The following RGS5 variants were observed in gnomAD, a reference collection of about 807,000 sequenced individuals.
RGS5 encodes the protein regulator of G protein signaling 5.
RGS5 carries 20 observed loss-of-function variants against 18.9 expected under a neutral mutation model. That is an observed-to-expected ratio of 1.06 (90% CI 0.74 to 1.54). RGS5 has a LOEUF of 1.54. Among genes scored for constraint, RGS5 ranks in the 40% most tolerant of loss-of-function variants. RGS5 has a pLI of 0.00. For missense variants in RGS5, 201 were observed against 211.8 expected, an observed-to-expected ratio of 0.95 and a Z score of 0.32; for synonymous variants, 57 against 76.2, an observed-to-expected ratio of 0.75 and a Z score of 1.31.
In RGS5 at chr1:163,217,589, GCA is replaced by G; in HGVS notation, c.4_5del (p.Cys2ArgfsTer25). 1 of 1,545,884 alleles carries G rather than the reference GCA, an allele frequency of 6.5e-7. No individual in the cohort carries two copies. Among genetic ancestry groups the G allele is most frequent in the Non-Finnish European group, 8.7e-7 (1 of 1,145,594 alleles). Reference sequence around the variant, plus strand: ...GAATATCCTGTGAAATGTTTCTTGCGCACATTTTTCACTGAGGTTTTGTTTCT... The same window carrying G: ...GAATATCCTGTGAAATGTTTCTTGCGCATTTTTCACTGAGGTTTTGTTTCT... On this transcript the variant is annotated frameshift_variant, in exon 1 of 6. Transcript: ENST00000367903. LOFTEE classifies it high-confidence loss of function.
At chr1:163,178,002 G>A (rs1260745760) in intron 1 of RGS5, among the ~76,000 whole-genome samples, 1 of 152,078 alleles carries the variant, frequency 6.6e-6, no homozygotes, top group Non-Finnish European at 1.5e-5. Flanking sequence ...TTGATGAGTG[G>A]CAAAGAAAGA....
intron 1 of RGS5, among the ~76,000 whole-genome samples, chr1:163,192,289 G>C (rs571237070): frequency 1.3e-5 from 2 of 152,074 alleles, no homozygotes; most frequent in African/African-American, 4.8e-5. Flanking sequence ...GGGATATGAC[G>C]TTAACTCCAA....
At chr1:163,258,110 A>T (rs1372218912) in intron 2 of RGS5, among the ~76,000 whole-genome samples, 1 of 152,226 alleles carries the variant, frequency 6.6e-6, no homozygotes, top group Non-Finnish European at 1.5e-5. Context: ...TAATGTCTGT[A>T]GCTGGTCTGG....
intron 1 of RGS5, among the ~76,000 whole-genome samples, chr1:163,307,221 T>C (rs1649726002): frequency 6.6e-6 from 1 of 152,144 alleles, no homozygotes; most frequent in African/African-American, 2.4e-5. Context: ...ACCACATCCC[T>C]CTTCTAAGTC....
intron 1 of RGS5, among the ~76,000 whole-genome samples, chr1:163,315,850 A>G (rs1173955934): frequency 6.6e-6 from 1 of 152,190 alleles, no homozygotes; most frequent in East Asian, 1.9e-4. Flanking sequence ...TAATGCCAAT[A>G]AATTTAGAAT....
intron 2 of RGS5, among the ~76,000 whole-genome samples, chr1:163,298,152 C>T (rs934151563): frequency 1.3e-5 from 2 of 151,934 alleles, no homozygotes; most frequent in African/African-American, 4.8e-5. Context: ...GAAAACAGGA[C>T]ATATAAATAT....
intron 1 of RGS5, among the ~76,000 whole-genome samples, chr1:163,319,756 G>T (rs1432899675): frequency 2.0e-5 from 3 of 152,122 alleles, no homozygotes; most frequent in African/African-American, 7.2e-5. Flanking sequence ...GAAATAGTAG[G>T]GCAAATGTAG....
chr1:163,164,326 G>T (rs184212732), intron 2 of RGS5, among the ~76,000 whole-genome samples: 1 of 152,206 alleles, frequency 6.6e-6, no homozygotes, highest in Non-Finnish European at 1.5e-5. Context: ...GTTTCTGTGC[G>T]TGGGAGTGTG....
At chr1:163,250,013 T>G (rs948458204) in intron 2 of RGS5, among the ~76,000 whole-genome samples, 4 of 152,182 alleles carry the variant, frequency 2.6e-5, no homozygotes, top group Non-Finnish European at 5.9e-5. Flanking sequence ...CCACAGTTCT[T>G]AGACTAATAT....
At chr1:163,192,792 A>G (rs1659410869) in intron 1 of RGS5, among the ~76,000 whole-genome samples, 1 of 152,216 alleles carries the variant, frequency 6.6e-6, no homozygotes, top group African/African-American at 2.4e-5. Context: ...ATCCTCTGGG[A>G]AAGTCTTCAG....
At chr1:163,274,644 T>C (rs1311285953) in intron 2 of RGS5, among the ~76,000 whole-genome samples, 3 of 152,202 alleles carry the variant, frequency 2.0e-5, no homozygotes, top group African/African-American at 4.8e-5. Flanking sequence ...CAACTGGCAT[T>C]TGAGTTGGGG....
At position 163,202,803 on chromosome 1, in the gene RGS5, T is replaced by C. The variant is rs372931699; in HGVS notation, c.33A>G (p.Ser11=). Residue 11 remains serine (S), a synonymous_variant, in exon 1 of 5, where the codon TCA becomes TCG. Transcript: ENST00000313961. ...AACTTGGTTCTCACCTTTCCAGGCA[T>C]GAGTGGGGCAAAGCTGCAAGTCCTT... MCKGLAALPH[S]CLERAKEIKI... 2.5e-6 allele frequency: 4 copies of C among 1,613,462 alleles called. No individual in the cohort carries two copies. The highest frequency in any genetic ancestry group is 3.4e-6 in the Non-Finnish European group (4 of 1,179,662).
chr1:163,161,626 C>T, intron 3 of RGS5: 2 of 291,248 alleles, frequency 6.9e-6, no homozygotes, highest in Non-Finnish European at 1.3e-5. Context: ...TTGAGGAGGT[C>T]AAGCCACTTG....
intron 1 of RGS5, among the ~76,000 whole-genome samples, chr1:163,175,335 G>A (rs1658501077): frequency 6.6e-6 from 1 of 152,154 alleles, no homozygotes; most frequent in African/African-American, 2.4e-5. Context: ...TATCAAGAGG[G>A]AGAATGCATT....
intron 4 of RGS5, among the ~76,000 whole-genome samples, chr1:163,148,688 T>G (rs1657255150): frequency 6.6e-6 from 1 of 152,176 alleles, no homozygotes. Context: ...ATGTCCTGAG[T>G]GCAGGGCCAC....
chr1:163,278,697 A>G (rs1431960266), intron 2 of RGS5, among the ~76,000 whole-genome samples: 1 of 152,166 alleles, frequency 6.6e-6, no homozygotes, highest in Non-Finnish European at 1.5e-5. Context: ...GTCCTCACCT[A>G]TCAATAACAA....
chr1:163,238,280 T>C (rs1398335326), intron 2 of RGS5, among the ~76,000 whole-genome samples: 1 of 152,180 alleles, frequency 6.6e-6, no homozygotes, highest in Admixed American at 6.5e-5. Context: ...TTTGGAAAGG[T>C]CCAAACACCT....
chr1:163,145,564 A>C lies in RGS5; in HGVS notation c.*1778T>G, dbSNP rs1657099480. ...GGCCTAGCTCTGGACTGCTTGATGA[A>C]GGAGTTTCTTTGAAGTGAGCAATAC... On this transcript the variant is annotated 3_prime_UTR_variant, in exon 5 of 5. Coordinates refer to ENST00000313961, the MANE Select transcript of RGS5 (RefSeq NM_003617.4). The C allele has an allele frequency of 6.6e-6, 1 of 152,128 alleles. No homozygotes were observed. Among genetic ancestry groups the C allele is most frequent in the African/African-American group, 2.4e-5 (1 of 41,422 alleles). The allele number at this position is 152,128 out of a possible 1,614,324, so 9.4% of individuals were successfully genotyped here. A position where few individuals can be genotyped will look rare whatever the true frequency, so the allele number is the denominator to read the frequency against.
chr1:163,174,512 A>G (rs1658454611), intron 1 of RGS5, among the ~76,000 whole-genome samples: 1 of 152,230 alleles, frequency 6.6e-6, no homozygotes, highest in African/African-American at 2.4e-5. Context: ...GTCACGGAGG[A>G]CTAAGATGTC....
Sources: gnomAD v4.1 joint callset for allele counts (sites outside exome capture counted in the v4.1 genomes callset) on GRCh38, gnomAD v4.1.1 for gene constraint, MANE v1.5 for transcripts, NCBI Gene and HGNC (gene_info 2026-07-23, HGNC 2026-07-21) for gene names.